RIT2: variants seen among roughly 807,000 people sequenced by gnomAD.
RIT2 encodes the protein GTP-binding protein Rit2.
RIT2 carries 24 observed loss-of-function variants against 23.7 expected under a neutral mutation model. The ratio of observed to expected loss-of-function variants is 1.01; its 90% CI spans 0.73 to 1.43. RIT2 has a LOEUF of 1.43. Among genes scored for constraint, RIT2 ranks in the 40% most tolerant of loss-of-function variants. RIT2 has a pLI of 0.00. For synonymous variants in RIT2, 107 were observed against 91.1 expected (o/e 1.17, Z -0.99); for missense variants, 236 against 266.9 (o/e 0.88, Z 0.81).
chr18:42,957,180 C>T (rs578117913), intron 3 of RIT2, among the ~76,000 whole-genome samples: 1 of 152,272 alleles, frequency 6.6e-6, no homozygotes, highest in African/African-American at 2.4e-5. Context: ...TGAGCCAACA[C>T]ACCCCCTTTT....
At chr18:42,799,135 T>C (rs934309458) in intron 4 of RIT2, among the ~76,000 whole-genome samples, 6 of 152,130 alleles carry the variant, frequency 3.9e-5, no homozygotes, top group African/African-American at 2.4e-5. Flanking sequence ...ACTTCAGAGA[T>C]AGAAAATAGA....
At chr18:43,102,344 T>TG (rs961597183) in intron 1 of RIT2, among the ~76,000 whole-genome samples, 18 of 152,004 alleles carry the variant, frequency 1.2e-4, no homozygotes, top group Non-Finnish European at 2.4e-4. Flanking sequence ...CTTAGAACCA[T>TG]GGGGGTAAAC....
At chr18:43,036,553 C>G (rs1911981462) in intron 1 of RIT2, among the ~76,000 whole-genome samples, 1 of 151,932 alleles carries the variant, frequency 6.6e-6, no homozygotes, top group South Asian at 2.1e-4. Flanking sequence ...CTACCTCCCC[C>G]CGCCAGCCTG....
intron 1 of RIT2, among the ~76,000 whole-genome samples, chr18:43,045,564 G>A (rs1163147594): frequency 6.6e-6 from 1 of 152,104 alleles, no homozygotes; most frequent in Non-Finnish European, 1.5e-5. Context: ...TGTAATATCT[G>A]CATACATCCT....
intron 4 of RIT2, among the ~76,000 whole-genome samples, chr18:42,873,362 G>A (rs1177015279): frequency 6.6e-6 from 1 of 151,942 alleles, no homozygotes; most frequent in Non-Finnish European, 1.5e-5. Context: ...AAGTCCCTAA[G>A]GTTCATATTA....
chr18:42,780,660 C>T (rs1471998515), intron 4 of RIT2, among the ~76,000 whole-genome samples: 1 of 152,126 alleles, frequency 6.6e-6, no homozygotes, highest in Non-Finnish European at 1.5e-5. Context: ...CAAGTTGGAA[C>T]TTGGTATCTT....
intron 4 of RIT2, among the ~76,000 whole-genome samples, chr18:42,778,906 A>C (rs1283470045): frequency 6.6e-6 from 1 of 152,230 alleles, no homozygotes; most frequent in East Asian, 1.9e-4. Flanking sequence ...TGAAAAATCT[A>C]TTTCCCTCTG....
intron 1 of RIT2, among the ~76,000 whole-genome samples, chr18:43,067,848 T>A (rs1912805828): frequency 6.6e-6 from 1 of 152,142 alleles, no homozygotes; most frequent in African/African-American, 2.4e-5. Flanking sequence ...TCTTTCAGGT[T>A]AACTTTGGGG....
intron 4 of RIT2, among the ~76,000 whole-genome samples, chr18:42,769,015 T>C (rs1395421103): frequency 1.3e-5 from 2 of 152,114 alleles, no homozygotes; most frequent in Admixed American, 1.3e-4. Context: ...CAAATGCTGG[T>C]TGTGTGATTA....
intron 1 of RIT2, among the ~76,000 whole-genome samples, chr18:43,102,624 T>C (rs575943611): frequency 6.7e-6 from 1 of 149,810 alleles, no homozygotes; most frequent in Non-Finnish European, 1.5e-5. Flanking sequence ...GCATGCTCAG[T>C]TTTTTTTAAT....
intron 2 of RIT2, among the ~76,000 whole-genome samples, chr18:43,020,420 A>C (rs1193658916): frequency 6.6e-6 from 1 of 152,070 alleles, no homozygotes; most frequent in African/African-American, 2.4e-5. Context: ...TGGGAGGCGG[A>C]GGTTGCAGTG....
chr18:43,025,555 A>C (rs1161183314), intron 2 of RIT2, among the ~76,000 whole-genome samples: 1 of 152,098 alleles, frequency 6.6e-6, no homozygotes, highest in Non-Finnish European at 1.5e-5. Flanking sequence ...GAAAGACTGT[A>C]TAAAGAAAAT....
At chr18:42,792,552 A>G (rs1914067390) in intron 4 of RIT2, among the ~76,000 whole-genome samples, 1 of 152,162 alleles carries the variant, frequency 6.6e-6, no homozygotes, top group Admixed American at 6.5e-5. Flanking sequence ...TATATATCAG[A>G]GCATTTTCAT....
intron 4 of RIT2, among the ~76,000 whole-genome samples, chr18:42,797,562 T>C (rs770796397): frequency 3.3e-5 from 5 of 152,206 alleles, no homozygotes; most frequent in Non-Finnish European, 7.4e-5. Flanking sequence ...TATTGTTTGT[T>C]GCAAAACATG....
chr18:42,824,701 C>G (rs926199696), intron 4 of RIT2, among the ~76,000 whole-genome samples: 1 of 151,702 alleles, frequency 6.6e-6, no homozygotes, highest in East Asian at 1.9e-4. Context: ...TCAAGTTATT[C>G]TCCTAGGCAA....
chr18:42,812,210 C>A (rs574578118), intron 4 of RIT2, among the ~76,000 whole-genome samples: 1 of 152,204 alleles, frequency 6.6e-6, no homozygotes, highest in African/African-American at 2.4e-5. Context: ...TCACTTTGGT[C>A]AATGACATGT....
intron 4 of RIT2, among the ~76,000 whole-genome samples, chr18:42,848,006 G>A (rs1906954720): frequency 6.6e-6 from 1 of 151,108 alleles, no homozygotes; most frequent in Non-Finnish European, 1.5e-5. Context: ...CCCCTATAAT[G>A]AGAGACATTA....
At chr18:42,974,172 C>A in intron 2 of RIT2, 25 bp from the exon 3 acceptor site, 12 of 1,498,988 alleles carry the variant, frequency 8.0e-6, no homozygotes, top group Non-Finnish European at 1.1e-5. Context: ...ACAACATTTA[C>A]ATTTAAATGT....
intron 4 of RIT2, among the ~76,000 whole-genome samples, chr18:42,895,128 T>C (rs1178506685): frequency 6.6e-6 from 1 of 152,212 alleles, no homozygotes; most frequent in Non-Finnish European, 1.5e-5. Context: ...TGCAATTAGA[T>C]ATAAGATATG....
Sources: gnomAD v4.1 joint callset for allele counts (sites outside exome capture counted in the v4.1 genomes callset) on GRCh38, gnomAD v4.1.1 for gene constraint, MANE v1.5 for transcripts, NCBI Gene and HGNC (gene_info 2026-07-23, HGNC 2026-07-21) for gene names.